SLC38A12: variants seen among roughly 807,000 people sequenced by gnomAD.
The protein encoded by SLC38A12 is solute carrier family 38 member 12.
the SLC38A12 span, among the ~76,000 whole-genome samples, chr17:74,818,393 C>T: frequency 6.6e-6 from 1 of 152,202 alleles, no homozygotes; most frequent in African/African-American, 2.4e-5. Context: ...TTCTCTAGCC[C>T]AGCTAATTAG....
chr17:74,837,667 T>A, the SLC38A12 span: 1 of 985,476 alleles, frequency 1.0e-6, no homozygotes, highest in East Asian at 1.1e-4. Flanking sequence ...TCACGCTATA[T>A]CCCTTGGGCA....
chr17:74,809,068 G>A, the SLC38A12 span, among the ~76,000 whole-genome samples: 2 of 152,180 alleles, frequency 1.3e-5, no homozygotes, highest in African/African-American at 4.8e-5. Context: ...TGCTCATTTT[G>A]TTGCCTCCCA....
the SLC38A12 span, among the ~76,000 whole-genome samples, chr17:74,795,897 G>C: frequency 6.6e-6 from 1 of 152,216 alleles, no homozygotes; most frequent in African/African-American, 2.4e-5. Flanking sequence ...ATTCAGGACC[G>C]TGACTGTTGT....
the SLC38A12 span, among the ~76,000 whole-genome samples, chr17:74,794,337 C>T: frequency 6.6e-6 from 1 of 152,186 alleles, no homozygotes; most frequent in Non-Finnish European, 1.5e-5. Flanking sequence ...GTCACCTCTG[C>T]AGCAGAAGTG....
At chr17:74,828,826 T>G in the SLC38A12 span, among the ~76,000 whole-genome samples, 1 of 151,854 alleles carries the variant, frequency 6.6e-6, no homozygotes, top group African/African-American at 2.4e-5. Flanking sequence ...AGGGTTAGAG[T>G]GAGGAGTCCT....
At chr17:74,812,149 G>A in the SLC38A12 span, among the ~76,000 whole-genome samples, 1 of 152,004 alleles carries the variant, frequency 6.6e-6, no homozygotes, top group East Asian at 1.9e-4. Context: ...GACTTGGTGT[G>A]TGCTGACACA....
the SLC38A12 span, among the ~76,000 whole-genome samples, chr17:74,818,940 G>T: frequency 8.5e-5 from 13 of 152,130 alleles, no homozygotes; most frequent in African/African-American, 2.9e-4. Context: ...TGCAAAGAAG[G>T]TTCCCATTTC....
At chr17:74,816,557 A>C in the SLC38A12 span, among the ~76,000 whole-genome samples, 2 of 152,174 alleles carry the variant, frequency 1.3e-5, no homozygotes, top group East Asian at 1.9e-4. Context: ...ATCTAAACTC[A>C]CTGACCCAAA....
the SLC38A12 span, among the ~76,000 whole-genome samples, chr17:74,823,355 C>T: frequency 6.6e-5 from 10 of 152,348 alleles, no homozygotes; most frequent in Middle Eastern, 3.4e-3. Flanking sequence ...GAAATGAGGC[C>T]GGAGGAGACT....
At chr17:74,826,044 C>T in the SLC38A12 span, among the ~76,000 whole-genome samples, 3 of 152,206 alleles carry the variant, frequency 2.0e-5, no homozygotes, top group African/African-American at 4.8e-5. Flanking sequence ...AAGGTGACAG[C>T]GCCTGAAATT....
the SLC38A12 span, chr17:74,790,968 C>T: frequency 1.2e-6 from 2 of 1,614,060 alleles, no homozygotes; most frequent in Admixed American, 1.7e-5. Flanking sequence ...AGACGTGGAT[C>T]TCCCAACCCG....
chr17:74,833,486 T>C, the SLC38A12 span, among the ~76,000 whole-genome samples: 2 of 152,270 alleles, frequency 1.3e-5, no homozygotes, highest in Admixed American at 1.3e-4. Flanking sequence ...ACCTACTTTA[T>C]AAATTGGTTT....
At chr17:74,836,132 G>A in the SLC38A12 span, 1 of 1,613,948 alleles carries the variant, frequency 6.2e-7, no homozygotes, top group Non-Finnish European at 8.5e-7. This position sits in a 1 kb window ranked among gnomAD's most constrained non-coding sequence, Gnocchi z 4.2. Flanking sequence ...TGGACTACGT[G>A]CTGATCCTGG....
At chr17:74,792,469 G>GA in the SLC38A12 span, among the ~76,000 whole-genome samples, 1 of 152,062 alleles carries the variant, frequency 6.6e-6, no homozygotes, top group Non-Finnish European at 1.5e-5. Flanking sequence ...AAGAAAACCA[G>GA]AAAAAAGAGT....
the SLC38A12 span, among the ~76,000 whole-genome samples, chr17:74,787,974 T>A: frequency 5.3e-5 from 8 of 152,158 alleles, no homozygotes; most frequent in East Asian, 1.4e-3. Context: ...TTTTGTATTT[T>A]TAGTACAGAC....
chr17:74,802,625 C>T, the SLC38A12 span, among the ~76,000 whole-genome samples: 3 of 152,194 alleles, frequency 2.0e-5, no homozygotes. Context: ...TTCAGATTTT[C>T]TTCAGATTTT....
the SLC38A12 span, chr17:74,795,612 G>T: frequency 6.2e-7 from 1 of 1,614,002 alleles, no homozygotes; most frequent in Admixed American, 1.7e-5. Context: ...GCGCCGAGTG[G>T]ACGCCTACCG....
the SLC38A12 span, among the ~76,000 whole-genome samples, chr17:74,786,387 C>G: frequency 1.3e-5 from 2 of 152,234 alleles, no homozygotes; most frequent in African/African-American, 4.8e-5. Context: ...CCTGCCCCAT[C>G]TGTGCACCAA....
the SLC38A12 span, chr17:74,819,792 G>A: frequency 1.4e-5 from 22 of 1,614,092 alleles, no homozygotes; most frequent in Middle Eastern, 1.6e-4. Context: ...CTTCTTTGAC[G>A]TCCAGAAGAC....
Sources: allele counts gnomAD v4.1 joint callset (sites outside exome capture counted in the v4.1 genomes callset), GRCh38; gene constraint gnomAD v4.1.1; non-coding constraint Gnocchi (gnomAD v3.1); transcripts MANE v1.5; gene names NCBI Gene and HGNC (gene_info 2026-07-23, HGNC 2026-07-21).